SORCS3: variants seen among roughly 807,000 people sequenced by gnomAD.
SORCS3 encodes the protein VPS10 domain-containing receptor SorCS3.
A neutral mutation model predicts 146.3 loss-of-function variants in SORCS3; 57 were observed. The ratio of observed to expected loss-of-function variants is 0.39; its 90% CI spans 0.31 to 0.49. The LOEUF (loss-of-function observed/expected upper bound fraction) is 0.49. SORCS3 is among the 20% of genes least tolerant of loss of function. SORCS3 has a pLI of 0.92. For synonymous variants in SORCS3, 653 were observed against 618.5 expected (o/e 1.06, Z -0.83); for missense variants, 1,341 against 1,575.5 (o/e 0.85, Z 2.52).
intron 18 of SORCS3, among the ~76,000 whole-genome samples, chr10:105,215,321 G>A (rs538438835): frequency 2.7e-4 from 41 of 152,260 alleles, no homozygotes; most frequent in African/African-American, 9.6e-4. Context: ...GAGCAGGAAG[G>A]CTTGCTTGAT....
chr10:105,008,141 A>T (rs766572637), intron 4 of SORCS3, among the ~76,000 whole-genome samples: 3 of 152,152 alleles, frequency 2.0e-5, no homozygotes. Flanking sequence ...AAGCTGCCTT[A>T]GGTCCTTTAC....
At chr10:104,979,452 T>TA (rs772733445) in intron 4 of SORCS3, among the ~76,000 whole-genome samples, 2 of 152,200 alleles carry the variant, frequency 1.3e-5, no homozygotes, top group Non-Finnish European at 2.9e-5. Context: ...CTGTCTTACA[T>TA]AGAGATATCC....
At chr10:105,125,762 G>C (rs1188181205) in intron 7 of SORCS3, among the ~76,000 whole-genome samples, 1 of 150,794 alleles carries the variant, frequency 6.6e-6, no homozygotes, top group Non-Finnish European at 1.5e-5. Flanking sequence ...CTTCGGCTTA[G>C]GAAACCAGGA....
intron 1 of SORCS3, among the ~76,000 whole-genome samples, chr10:104,669,558 C>T (rs145856076): frequency 9.5e-4 from 145 of 152,274 alleles, no homozygotes; most frequent in Admixed American, 3.1e-3. Flanking sequence ...TTGTAATATG[C>T]GTCAGAATGT....
intron 1 of SORCS3, among the ~76,000 whole-genome samples, chr10:104,731,085 G>A (rs561073625): frequency 1.3e-5 from 2 of 152,348 alleles, no homozygotes; most frequent in Non-Finnish European, 2.9e-5. Context: ...TTAACTGCAT[G>A]AGTGAATGCA....
chr10:104,924,692 C>T (rs2019121587), intron 3 of SORCS3, among the ~76,000 whole-genome samples: 2 of 152,292 alleles, frequency 1.3e-5, no homozygotes, highest in South Asian at 4.1e-4. Context: ...TGTTAACTAC[C>T]TGTATGGCAC....
chr10:104,897,414 G>A (rs567038393), intron 2 of SORCS3, among the ~76,000 whole-genome samples: 8 of 152,142 alleles, frequency 5.3e-5, no homozygotes, highest in South Asian at 2.1e-4. Flanking sequence ...GAACATTTAC[G>A]AGATGGGAGG....
chr10:104,927,877 G>GAA (rs373654229), intron 3 of SORCS3, among the ~76,000 whole-genome samples: 39,806 of 141,078 alleles, frequency 0.28, 7,099 homozygotes, highest in African/African-American at 0.52. Flanking sequence ...GACTCCGTCT[G>GAA]AAAAAAAAAA....
chr10:104,993,207 T>C (rs78161238), intron 4 of SORCS3, among the ~76,000 whole-genome samples: 11,371 of 152,278 alleles, frequency 0.075, 473 homozygotes, highest in African/African-American at 0.1. Flanking sequence ...AAGGAGATGC[T>C]TGTTTCCCAA....
At chr10:104,853,708 A>C (rs1441628800) in intron 2 of SORCS3, among the ~76,000 whole-genome samples, 1 of 152,250 alleles carries the variant, frequency 6.6e-6, no homozygotes, top group Non-Finnish European at 1.5e-5. Context: ...GTATCTATGC[A>C]TAGAGAGACT....
chr10:104,880,315 T>A (rs1319576179), intron 2 of SORCS3, among the ~76,000 whole-genome samples: 1 of 152,194 alleles, frequency 6.6e-6, no homozygotes, highest in Non-Finnish European at 1.5e-5. Context: ...GACAGCAAAG[T>A]TTCCCTTCCC....
chr10:105,199,785 G>A (rs2056563763), intron 14 of SORCS3, among the ~76,000 whole-genome samples: 1 of 152,100 alleles, frequency 6.6e-6, no homozygotes, highest in Admixed American at 6.5e-5. Flanking sequence ...TTAAAAAATG[G>A]TTGATTTAAA....
chr10:105,196,820 C>T (rs1361166164), intron 14 of SORCS3, among the ~76,000 whole-genome samples: 1 of 152,106 alleles, frequency 6.6e-6, no homozygotes, highest in African/African-American at 2.4e-5. Flanking sequence ...GTATTAGTTT[C>T]CTGTGGCTGT....
intron 1 of SORCS3, among the ~76,000 whole-genome samples, chr10:104,675,295 G>T: frequency 6.6e-6 from 1 of 151,964 alleles, no homozygotes. Context: ...ATTTTATATT[G>T]CATTGTCTAT....
chr10:104,686,006 G>T (rs2016039021), intron 1 of SORCS3, among the ~76,000 whole-genome samples: 2 of 152,162 alleles, frequency 1.3e-5, no homozygotes, highest in South Asian at 4.1e-4. Flanking sequence ...CTGGCAGTGA[G>T]ATCCTGCAGC....
chr10:105,064,840 A>G (rs2055512084), intron 5 of SORCS3, among the ~76,000 whole-genome samples: 1 of 151,976 alleles, frequency 6.6e-6, no homozygotes, highest in South Asian at 2.1e-4. Context: ...TTCCCCACCC[A>G]GTCCACTGGC....
At chr10:104,861,951 C>G (rs2018408461) in intron 2 of SORCS3, among the ~76,000 whole-genome samples, 1 of 152,194 alleles carries the variant, frequency 6.6e-6, no homozygotes, top group Non-Finnish European at 1.5e-5. Context: ...TTTATCTCCG[C>G]ATGTGTGCCT....
intron 1 of SORCS3, among the ~76,000 whole-genome samples, chr10:104,694,707 C>T (rs1382382457): frequency 6.6e-6 from 1 of 152,140 alleles, no homozygotes; most frequent in East Asian, 1.9e-4. Context: ...TAGCTTAACT[C>T]CTGCCTAGCC....
chr10:104,896,966 T>C (rs2133587193), intron 2 of SORCS3, among the ~76,000 whole-genome samples: 1 of 152,176 alleles, frequency 6.6e-6, no homozygotes, highest in Non-Finnish European at 1.5e-5. Flanking sequence ...TGATGGGAAT[T>C]ATGGAGAGCA....
Sources: gnomAD v4.1 joint callset for allele counts (sites outside exome capture counted in the v4.1 genomes callset) on GRCh38, gnomAD v4.1.1 for gene constraint, MANE v1.5 for transcripts, NCBI Gene and HGNC (gene_info 2026-07-23, HGNC 2026-07-21) for gene names.